NECTIN1: variants seen among roughly 807,000 people sequenced by gnomAD.
NECTIN1 encodes the protein nectin-1.
A neutral mutation model predicts 48.0 loss-of-function variants in NECTIN1; 23 were observed. The ratio of observed to expected loss-of-function variants is 0.48; its 90% CI spans 0.34 to 0.68. NECTIN1 has a LOEUF of 0.68. NECTIN1 is among the 30% of genes least tolerant of loss of function. NECTIN1 has a pLI of 0.01. For synonymous variants in NECTIN1, 270 were observed against 288.9 expected (o/e 0.93, Z 0.66); for missense variants, 591 against 709.9 (o/e 0.83, Z 1.90).
At chr11:119,717,676 C>A (rs1486287144) in intron 1 of NECTIN1, among the ~76,000 whole-genome samples, 2 of 152,234 alleles carry the variant, frequency 1.3e-5, no homozygotes, top group Admixed American at 6.5e-5. Context: ...AAAGCCTCTG[C>A]CACTGATTCA....
chr11:119,717,201 A>G (rs993334998), intron 1 of NECTIN1, among the ~76,000 whole-genome samples: 10 of 152,232 alleles, frequency 6.6e-5, no homozygotes, highest in African/African-American at 2.4e-4. Flanking sequence ...AGGACTGGCC[A>G]CGAGGCCCAT....
downstream of NECTIN1, chr11:119,660,887 TG>T: frequency 7.1e-6 from 4 of 560,864 alleles, no homozygotes; most frequent in Non-Finnish European, 9.0e-6. Context: ...GGACATGGGG[TG>T]GGGGGTCCCT....
At position 119,663,483 on chromosome 11, in the gene NECTIN1, C is replaced by A; in HGVS notation, c.*1264G>T. Reference sequence around the variant, plus strand: ...GGCTGAGCAGGAGGTGGCCTAGCGGCCCCACCCCCCTCACTTTCTGCCAGG... The same window carrying A: ...GGCTGAGCAGGAGGTGGCCTAGCGGACCCACCCCCCTCACTTTCTGCCAGG... On this transcript the variant is annotated 3_prime_UTR_variant, in exon 6 of 6. Coordinates refer to ENST00000264025, the MANE Select transcript of NECTIN1 (RefSeq NM_002855.5). The A allele has an allele frequency of 1.0e-6, 1 of 985,546 alleles. No homozygotes were observed. Among genetic ancestry groups the A allele is most frequent in the Non-Finnish European group, 1.2e-6 (1 of 830,018 alleles). 61.1% of individuals were successfully genotyped at this position (985,546 alleles called of 1,614,324 possible). A position where few individuals can be genotyped will look rare whatever the true frequency, so the allele number is the denominator to read the frequency against.
chr11:119,716,783 G>A (rs1206917623), intron 1 of NECTIN1, among the ~76,000 whole-genome samples: 1 of 152,242 alleles, frequency 6.6e-6, no homozygotes, highest in Non-Finnish European at 1.5e-5. Context: ...GGAGGGGGGT[G>A]AGGGCCCCCT....
chr11:119,690,980 A>C (rs1374758323), intron 1 of NECTIN1, among the ~76,000 whole-genome samples: 3 of 152,022 alleles, frequency 2.0e-5, no homozygotes, highest in Non-Finnish European at 4.4e-5. Context: ...CTCCAAACAT[A>C]AGCAATGGCC....
Position 119,662,394 on chromosome 11 carries a change from C to T in NECTIN1, c.*2353G>A. On this transcript the variant is annotated 3_prime_UTR_variant, in exon 6 of 6. Transcript: ENST00000264025. This position sits in a 1 kb window ranked among gnomAD's most constrained non-coding sequence, Gnocchi z 5.3. ...GCTCGGTGGGTATGCTGAGGCTGGG[C>T]CCCTGGCAAGTCAGGAGCCTCCTAC... 2.0e-6 allele frequency: 2 copies of T among 985,778 alleles called. No homozygotes were observed. Among genetic ancestry groups the T allele is most frequent in the African/African-American group, 3.5e-5 (2 of 57,324 alleles). The allele number at this position is 985,778 out of a possible 1,614,324, so 61.1% of individuals were successfully genotyped here.
At position 119,675,241 on chromosome 11, in the gene NECTIN1, G is replaced by GT. The variant is rs1565386646; in HGVS notation, c.920dup (p.Asn307LysfsTer11). 6.2e-7 allele frequency: 1 copy of GT among 1,614,174 alleles called. No homozygotes were observed. Among genetic ancestry groups the GT allele is most frequent in the East Asian group, 2.2e-5 (1 of 44,870 alleles). On this transcript the variant is annotated frameshift_variant, in exon 5 of 6. Coordinates refer to ENST00000264025, the MANE Select transcript of NECTIN1 (RefSeq NM_002855.5). LOFTEE classifies it high-confidence loss of function. ...AGATGTAGGTCCCTGCCAGGCTGTAGTTGATGGGTCCCTTGAAGAAGAGGG... is the reference window on the plus strand; with the variant it reads ...AGATGTAGGTCCCTGCCAGGCTGTAGTTTGATGGGTCCCTTGAAGAAGAGGG...
intron 1 of NECTIN1, among the ~76,000 whole-genome samples, chr11:119,689,859 C>T (rs1039513913): frequency 4.6e-5 from 7 of 152,236 alleles, no homozygotes; most frequent in African/African-American, 7.2e-5. Context: ...ACCAGGGCCC[C>T]AGAGCAATCT....
intron 1 of NECTIN1, among the ~76,000 whole-genome samples, chr11:119,705,770 C>T (rs527483175): frequency 6.6e-6 from 1 of 152,204 alleles, no homozygotes; most frequent in Non-Finnish European, 1.5e-5. Flanking sequence ...GAGGCGACTG[C>T]AATCATCTGG....
intron 7 of NECTIN1, chr11:119,638,375 T>C (rs1864269172): frequency 5.6e-6 from 7 of 1,250,662 alleles, no homozygotes; most frequent in Non-Finnish European, 7.9e-6. Context: ...TCCCCCACAC[T>C]GGTGACTGTC....
chr11:119,681,185 T>C (rs2135554526), intron 1 of NECTIN1, among the ~76,000 whole-genome samples: 1 of 152,322 alleles, frequency 6.6e-6, no homozygotes, highest in South Asian at 2.1e-4. Context: ...TCCAGCAGGA[T>C]AATTGGGTGC....
intron 1 of NECTIN1, among the ~76,000 whole-genome samples, chr11:119,723,789 C>T (rs562450805): frequency 5.4e-4 from 82 of 152,314 alleles, no homozygotes; most frequent in Non-Finnish European, 1.0e-3. Flanking sequence ...ATCTCCAGCT[C>T]AGGGCATTCC....
At chr11:119,701,853 C>G (rs539461098) in intron 1 of NECTIN1, among the ~76,000 whole-genome samples, 1 of 152,150 alleles carries the variant, frequency 6.6e-6, no homozygotes, top group Non-Finnish European at 1.5e-5. Context: ...CACCTGCCTC[C>G]GCCTCACTGG....
At chr11:119,646,848 G>A (rs1264064959) in intron 5 of NECTIN1, among the ~76,000 whole-genome samples, 2 of 152,194 alleles carry the variant, frequency 1.3e-5, no homozygotes, top group Admixed American at 6.5e-5. Flanking sequence ...CAACGTTTTC[G>A]TCTGTGAAAT....
rs1369378629 is a variant in NECTIN1, at chr11:119,677,166, T to C, written c.787A>G (p.Met263Val). 1.2e-6 allele frequency: 2 copies of C among 1,614,116 alleles called. No individual in the cohort carries two copies. Among genetic ancestry groups the C allele is most frequent in the Non-Finnish European group, 1.7e-6 (2 of 1,180,020 alleles). The change falls in exon 4 of 6, where the codon ATG becomes GTG. Residue 263 changes from methionine to valine, a missense_variant. Transcript: ENST00000264025. The surrounding 1 kb of genome is among the most constrained non-coding windows in gnomAD (Gnocchi z 5.4). ...GFDGNWYLQR[M>V]DVKLTCKADA... ...GCTTTGCAGGTGAGCTTCACGTCCA[T>C]CCGCTGCAGGTACCAGTTGCCATCA...
chr11:119,663,078 C>A lies in NECTIN1; in HGVS notation c.*1669G>T. 1.0e-6 allele frequency: 1 copy of A among 985,438 alleles called. No individual in the cohort carries two copies. Among genetic ancestry groups the A allele is most frequent in the South Asian group, 4.7e-5 (1 of 21,290 alleles). 61.0% of individuals were successfully genotyped at this position (985,438 alleles called of 1,614,324 possible). On this transcript the variant is annotated 3_prime_UTR_variant, in exon 6 of 6. Transcript: ENST00000264025. ...AAGCCTATGGCAGGGTGGGTCAGTG[C>A]CCGTGGGGCACAGAGTGGTCTGCCT...
intron 1 of NECTIN1, among the ~76,000 whole-genome samples, chr11:119,695,513 C>T (rs761980105): frequency 3.7e-4 from 56 of 152,270 alleles, no homozygotes; most frequent in Non-Finnish European, 6.0e-4. Flanking sequence ...GCCTGACACC[C>T]GGCACGCAGT....
At chr11:119,690,934 C>T (rs779266826) in intron 1 of NECTIN1, among the ~76,000 whole-genome samples, 53 of 152,188 alleles carry the variant, frequency 3.5e-4, no homozygotes, top group Non-Finnish European at 7.1e-4. Context: ...CGATTCTCTC[C>T]CCTGGCCAAT....
chr11:119,728,702 G>GC lies in NECTIN1; in HGVS notation c.-150dup. 1 of 432,292 alleles carries GC rather than the reference G, an allele frequency of 2.3e-6. No homozygotes were observed. The allele number at this position is 432,292 out of a possible 1,614,324, so 26.8% of individuals were successfully genotyped here. A position where few individuals can be genotyped will look rare whatever the true frequency, so the allele number is the denominator to read the frequency against. ...GCAGCCGTCGGCCGGGGCGGGGTGG[G>GC]CTGGGTGGGATCCGCGCGGCCGCAG... On this transcript the variant is annotated 5_prime_UTR_variant, in exon 1 of 6. Transcript: ENST00000264025.
Sources: gnomAD v4.1 joint callset for allele counts (sites outside exome capture counted in the v4.1 genomes callset) on GRCh38, gnomAD v4.1.1 for gene constraint, Gnocchi (gnomAD v3.1) non-coding constraint, MANE v1.5 for transcripts, NCBI Gene and HGNC (gene_info 2026-07-23, HGNC 2026-07-21) for gene names.